DIP2B: variants seen among roughly 807,000 people sequenced by gnomAD.
DIP2B encodes disco-interacting protein 2 homolog B.
Under a neutral mutation model 198.0 loss-of-function variants are expected in DIP2B, and 76 were observed. The observed-to-expected ratio is 0.38, with a 90% CI of 0.32 to 0.46. The LOEUF is 0.46. Among genes scored for constraint, DIP2B ranks in the 20% least tolerant of loss-of-function variants. DIP2B has a pLI of 0.99. For synonymous variants in DIP2B, 701 were observed against 739.1 expected, an observed-to-expected ratio of 0.95 and a Z score of 0.84; for missense variants, 1,559 against 1,978.4, an observed-to-expected ratio of 0.79 and a Z score of 4.02.
intron 1 of DIP2B, among the ~76,000 whole-genome samples, chr12:50,531,250 A>G (rs1180928347): frequency 6.6e-6 from 1 of 152,022 alleles, no homozygotes; most frequent in Admixed American, 6.6e-5. Flanking sequence ...GGGTTTCACC[A>G]TGTTAGCCAG....
At chr12:50,607,772 T>G (rs1958996267) in intron 1 of DIP2B, among the ~76,000 whole-genome samples, 1 of 152,188 alleles carries the variant, frequency 6.6e-6, no homozygotes, top group Non-Finnish European at 1.5e-5. Context: ...CACAGTTTGC[T>G]TGTTTTCTGG....
At chr12:50,736,787 T>G (rs1477909875) in intron 34 of DIP2B, among the ~76,000 whole-genome samples, 1 of 152,250 alleles carries the variant, frequency 6.6e-6, no homozygotes, top group African/African-American at 2.4e-5. Context: ...GATGGCAGAC[T>G]GGCTCCCATT....
intron 30 of DIP2B, among the ~76,000 whole-genome samples, chr12:50,729,261 T>A (rs1345808246): frequency 6.6e-6 from 1 of 152,192 alleles, no homozygotes; most frequent in African/African-American, 2.4e-5. Flanking sequence ...TAGGATAGGA[T>A]CATCCATGTA....
intron 3 of DIP2B, among the ~76,000 whole-genome samples, chr12:50,654,443 C>T (rs1188738376): frequency 1.3e-5 from 2 of 151,640 alleles, no homozygotes; most frequent in African/African-American, 4.8e-5. Context: ...CAGCCTCGAC[C>T]TCCTGTGCTC....
chr12:50,640,559 G>A (rs1387401692), intron 2 of DIP2B, among the ~76,000 whole-genome samples, 165 bp from the exon 3 acceptor site: 1 of 152,060 alleles, frequency 6.6e-6, no homozygotes, highest in Non-Finnish European at 1.5e-5. Flanking sequence ...TTTTAGTTTG[G>A]ATGTCTTTGC....
intron 1 of DIP2B, among the ~76,000 whole-genome samples, chr12:50,513,091 T>C (rs1237915567): frequency 6.6e-6 from 1 of 152,226 alleles, no homozygotes; most frequent in East Asian, 1.9e-4. Context: ...GAGTATAGTA[T>C]GGCGTGCGGT....
intron 13 of DIP2B, 25 bp downstream of exon 13, chr12:50,691,176 C>T: frequency 1.9e-6 from 3 of 1,594,028 alleles, no homozygotes; most frequent in Non-Finnish European, 1.7e-6. Flanking sequence ...CATGACTGCC[C>T]TCATTGTTAC....
intron 7 of DIP2B, among the ~76,000 whole-genome samples, chr12:50,677,274 G>A (rs1040418214): frequency 1.3e-5 from 2 of 152,110 alleles, no homozygotes; most frequent in African/African-American, 4.8e-5. Context: ...GTCCCCTGGT[G>A]CACTCTATCT....
At chr12:50,718,681 G>A in intron 23 of DIP2B, 28 bp from the exon 24 acceptor site, 6 of 1,590,038 alleles carry the variant, frequency 3.8e-6, no homozygotes, top group Non-Finnish European at 5.2e-6. Flanking sequence ...GCCATCTCCA[G>A]TGAGTTGGGT....
chr12:50,744,467 T>C (rs1276941140), intron 37 of DIP2B, 120 bp from the exon 38 acceptor site: 15 of 1,386,980 alleles, frequency 1.1e-5, no homozygotes, highest in South Asian at 1.3e-5. Flanking sequence ...ACATGACTGC[T>C]GACGTTCTGG....
At chr12:50,684,545 A>G (rs1939101255) in intron 10 of DIP2B, among the ~76,000 whole-genome samples, 1 of 152,208 alleles carries the variant, frequency 6.6e-6, no homozygotes. Flanking sequence ...TAATCCCAGC[A>G]CTTTGGGAGG....
chr12:50,536,360 G>A (rs1958267335), intron 1 of DIP2B, among the ~76,000 whole-genome samples: 1 of 152,058 alleles, frequency 6.6e-6, no homozygotes. Flanking sequence ...CAGGAGGATT[G>A]CTTGAGCCCA....
At chr12:50,554,379 A>G (rs1360256114) in intron 1 of DIP2B, among the ~76,000 whole-genome samples, 1 of 151,504 alleles carries the variant, frequency 6.6e-6, no homozygotes, top group Non-Finnish European at 1.5e-5. Context: ...GTATACTTTT[A>G]TTTTTTTCTT....
In DIP2B at chr12:50,640,780, G is replaced by A. The variant is rs757985370; in HGVS notation, c.229G>A (p.Ala77Thr). The part of the protein sequence containing the change: ...LRNQTPAPSA[A>T]QTSAPSKYHR... ...AAACCAGACACCTGCTCCATCTGCA[G>A]CTCAAACTTCTGCTCCCTCTAAGTA... The change falls in exon 3 of 38, where the codon GCT becomes ACT. Residue 77 changes from alanine to threonine, a missense_variant. By Grantham distance (58) the Ala-to-Thr change is moderately conservative. Coordinates refer to ENST00000301180, the MANE Select transcript of DIP2B (RefSeq NM_173602.3). The A allele has an allele frequency of 1.2e-6, 2 of 1,613,876 alleles. No individual in the cohort carries two copies. The highest frequency in any genetic ancestry group is 2.2e-5 in the South Asian group (2 of 91,082).
chr12:50,680,588 C>A, intron 8 of DIP2B, 84 bp from the exon 9 acceptor site: 1 of 1,292,382 alleles, frequency 7.7e-7, no homozygotes. Flanking sequence ...TCATTAACTA[C>A]ACTGATGATC....
intron 30 of DIP2B, among the ~76,000 whole-genome samples, chr12:50,729,205 A>T (rs1939992054): frequency 6.6e-6 from 1 of 152,176 alleles, no homozygotes; most frequent in East Asian, 1.9e-4. Flanking sequence ...TGCTTCACAG[A>T]TGCCTGCAGC....
At chr12:50,733,768 T>G (rs1282681605) in intron 32 of DIP2B, among the ~76,000 whole-genome samples, 1 of 152,188 alleles carries the variant, frequency 6.6e-6, no homozygotes, top group African/African-American at 2.4e-5. Flanking sequence ...ATAGCACACA[T>G]GGGTGGATTA....
Position 50,517,208 on chromosome 12 carries a change from C to T in DIP2B, c.100+11968C>T, listed in dbSNP as rs1026577739. ...TGCTGGGATTACAGGCGTGAGCCAC[C>T]GCACCCGACCAAAAAATTTGTTTTA... On this transcript the variant is annotated intron_variant, in intron 1 of 37. Coordinates refer to ENST00000301180, the MANE Select transcript of DIP2B (RefSeq NM_173602.3). Among the ~76,000 whole-genome samples the T allele has an allele frequency of 6.6e-5, 10 of 151,864 alleles. 1 individual carries two copies. The highest frequency in any genetic ancestry group is 1.3e-4 in the Admixed American group (2 of 15,240).
chr12:50,658,811 G>A (rs930967257), intron 3 of DIP2B, among the ~76,000 whole-genome samples: 23 of 152,280 alleles, frequency 1.5e-4, no homozygotes, highest in African/African-American at 4.6e-4. Flanking sequence ...GAAGCTGGCC[G>A]GGCGTGGTGG....
Sources: allele counts gnomAD v4.1 joint callset (sites outside exome capture counted in the v4.1 genomes callset), GRCh38; gene constraint gnomAD v4.1.1; transcripts MANE v1.5; gene names NCBI Gene and HGNC (gene_info 2026-07-23, HGNC 2026-07-21).